Variants in ZC3H12D observed in about 807,000 individuals in gnomAD.
The protein encoded by ZC3H12D is zinc finger CCCH-type containing 12D.
A neutral mutation model predicts 24.2 loss-of-function variants in ZC3H12D; 11 were observed. That is an observed-to-expected ratio of 0.46 (90% confidence interval 0.29 to 0.75). The LOEUF is 0.75. ZC3H12D is among the 30% of genes least tolerant of loss of function. ZC3H12D has a pLI of 0.11. For synonymous variants in ZC3H12D, 333 were observed against 341.8 expected (o/e 0.97, Z 0.28); for missense variants, 740 against 767.7 (o/e 0.96, Z 0.43).
At chr6:149,455,657 T>G (rs1380639039) in intron 4 of ZC3H12D, among the ~76,000 whole-genome samples, 1 of 152,182 alleles carries the variant, frequency 6.6e-6, no homozygotes, top group Non-Finnish European at 1.5e-5. Context: ...GAGGCCTATT[T>G]CAGGGCTACA....
rs1417186367 is a variant in ZC3H12D, at chr6:149,448,388, A to G, written c.*2295T>C. On this transcript the variant is annotated 3_prime_UTR_variant, in exon 6 of 6. Coordinates refer to ENST00000409806, the MANE Select transcript of ZC3H12D (RefSeq NM_207360.3). ...AACGCTTTGGGTCTTTACAAAAAAT[A>G]GAAAAAATTAGCTGGACGTGGTGGC... is the stretch of plus-strand genomic sequence containing the variant. The G allele has an allele frequency of 1.3e-5, 2 of 152,176 alleles. No homozygotes were observed. Among genetic ancestry groups the G allele is most frequent in the Admixed American group, 6.5e-5 (1 of 15,272 alleles). The allele number at this position is 152,176 out of a possible 1,614,324, so 9.4% of individuals were successfully genotyped here.
intron 1 of ZC3H12D, among the ~76,000 whole-genome samples, chr6:149,482,356 C>T (rs1776440926): frequency 1.3e-5 from 2 of 152,264 alleles, no homozygotes; most frequent in South Asian, 4.1e-4. Context: ...TCGTTTCCTC[C>T]TTCCTATTTT....
At position 149,456,859 on chromosome 6, in the gene ZC3H12D, C is replaced by G; in HGVS notation, c.487G>C (p.Val163Leu). The part of the protein sequence containing the change: ...LAELERQAVL[V>L]YTPSRKVHGK... ...TGCACCTTGCGGGACGGCGTGTACACCAGCACCGCCTGCCGCTCCAGCTCC... is the reference window on the plus strand; with the variant it reads ...TGCACCTTGCGGGACGGCGTGTACAGCAGCACCGCCTGCCGCTCCAGCTCC... Residue 163 changes from valine to leucine, a missense_variant, in exon 4 of 6, where the codon GTG (valine) becomes CTG (leucine). Coordinates refer to ENST00000409806, the MANE Select transcript of ZC3H12D (RefSeq NM_207360.3). This position sits in a 1 kb window ranked among gnomAD's most constrained non-coding sequence, Gnocchi z 4.3. 6.2e-7 allele frequency: 1 copy of G among 1,606,652 alleles called. No homozygotes were observed. Among genetic ancestry groups the G allele is most frequent in the Non-Finnish European group, 8.5e-7 (1 of 1,179,380 alleles).
chr6:149,481,376 A>AT (rs759834200), intron 1 of ZC3H12D, among the ~76,000 whole-genome samples: 5,066 of 142,598 alleles, frequency 0.036, 308 homozygotes, highest in African/African-American at 0.12. Flanking sequence ...GTGGCTTAGC[A>AT]TTTTTTTTTT....
Position 149,452,761 on chromosome 6 carries a change from G to A in ZC3H12D, c.681-39C>T. On this transcript the variant is annotated intron_variant, in intron 4 of 5. Transcript: ENST00000409806. The surrounding 1 kb of genome is among the most constrained non-coding windows in gnomAD (Gnocchi z 4.0). ...ACAGGGGCAACTGCAAGACCACCTG[G>A]GATTTGCCACCAGCACCTGTACAAA... The A allele has an allele frequency of 6.5e-7, 1 of 1,536,670 alleles. No homozygotes were observed. Among genetic ancestry groups the A allele is most frequent in the South Asian group, 1.2e-5 (1 of 84,684 alleles).
Position 149,456,758 on chromosome 6 carries a change from G to A in ZC3H12D, c.588C>T (p.Ser196=). Reference sequence around the variant, plus strand: ...TCTGCAGGTCCCGGTAGTTGTCGTTGGAGACGATGACGCCGTCCTGCTCGT... The same window carrying A: ...TCTGCAGGTCCCGGTAGTTGTCGTTAGAGACGATGACGCCGTCCTGCTCGT... The part of the protein sequence containing the change: ...VAYEQDGVIV[S]NDNYRDLQSE... The change falls in exon 4 of 6, where the codon TCC becomes TCT. Residue 196 remains serine, a synonymous_variant. Transcript: ENST00000409806. The surrounding 1 kb of genome is among the most constrained non-coding windows in gnomAD (Gnocchi z 4.3). The A allele has an allele frequency of 6.2e-7, 1 of 1,613,842 alleles. No homozygotes were observed. The highest frequency in any genetic ancestry group is 1.1e-5 in the South Asian group (1 of 91,088).
At position 149,451,584 on chromosome 6, in the gene ZC3H12D, G is replaced by C. The variant is rs558607172; in HGVS notation, c.788-105C>G. The C allele has an allele frequency of 1.2e-5, 12 of 1,041,164 alleles. No homozygotes were observed. In the African/African-American group the frequency reaches 1.9e-4, roughly 16 times the overall value. The allele number at this position is 1,041,164 out of a possible 1,614,324, so 64.5% of individuals were successfully genotyped here. A position where few individuals can be genotyped will look rare whatever the true frequency, so the allele number is the denominator to read the frequency against. ...AGTGCCGGCCCGCGGCCTCTCCGTG[G>C]AGATTCCTCCAAGCAGGCCCCCAGG... On this transcript the variant is annotated intron_variant, in intron 5 of 5. Coordinates refer to ENST00000409806, the MANE Select transcript of ZC3H12D (RefSeq NM_207360.3).
intron 4 of ZC3H12D, among the ~76,000 whole-genome samples, chr6:149,455,830 T>C (rs1266973916): frequency 1.4e-5 from 2 of 147,474 alleles, no homozygotes; most frequent in African/African-American, 5.0e-5. Context: ...TGAGCCCAGG[T>C]GTTCAAGGCT....
rs1775920641 is a variant in ZC3H12D, at chr6:149,452,641, C to T, written c.762G>A (p.Glu254=). ...NFLSRKPKPP[E]PSWQHCPYGK... is the part of the protein sequence containing the mutation. The stretch of plus-strand genomic sequence containing the variant: ...CATAAGGACAATGCTGCCAGGATGG[C>T]TCTGGGGGCTTCGGCTTCCTGCTCA... The change falls in exon 5 of 6, where the codon GAG becomes GAA. Residue 254 remains glutamate, a synonymous_variant. Transcript: ENST00000409806. This position sits in a 1 kb window ranked among gnomAD's most constrained non-coding sequence, Gnocchi z 4.0. The T allele has an allele frequency of 4.4e-6, 7 of 1,600,730 alleles. No homozygotes were observed. Among genetic ancestry groups the T allele is most frequent in the Non-Finnish European group, 4.3e-6 (5 of 1,174,116 alleles).
chr6:149,468,575 C>T (rs529953788), intron 2 of ZC3H12D, among the ~76,000 whole-genome samples: 1 of 152,324 alleles, frequency 6.6e-6, no homozygotes, highest in South Asian at 2.1e-4. Context: ...GGAAGCTGCT[C>T]TTGCCACTCT....
chr6:149,450,778 C>A lies in ZC3H12D; in HGVS notation c.1489G>T (p.Val497Leu), dbSNP rs553923877. ...SVFPRDQVDR[V>L]MAAFPELSDL... ...GAGAGCTCCGGGAACGCGGCCATCA[C>A]GCGGTCCACCTGGTCACGCGGGAAG... Residue 497 changes from valine (V) to leucine (L), a missense_variant, in exon 6 of 6, where the codon GTG becomes TTG. Val to Leu is a conservative substitution (Grantham distance 32). Transcript: ENST00000409806. The A allele has an allele frequency of 8.4e-6, 13 of 1,549,294 alleles. 1 individual carries two copies. Among genetic ancestry groups the A allele is most frequent in the East Asian group, 7.3e-5 (3 of 40,906 alleles).
Position 149,452,491 on chromosome 6 carries a change from G to T in ZC3H12D, c.787+125C>A. The T allele has an allele frequency of 1.4e-6, 1 of 733,244 alleles. No individual in the cohort carries two copies. Among genetic ancestry groups the T allele is most frequent in the Non-Finnish European group, 2.1e-6 (1 of 480,520 alleles). The allele number at this position is 733,244 out of a possible 1,614,324, so 45.4% of individuals were successfully genotyped here. On this transcript the variant is annotated intron_variant, in intron 5 of 5. Coordinates refer to ENST00000409806, the MANE Select transcript of ZC3H12D (RefSeq NM_207360.3). The surrounding 1 kb of genome is among the most constrained non-coding windows in gnomAD (Gnocchi z 4.0). Reference sequence around the variant, plus strand: ...AGTTAACTCTCCAGGTAGCACAGCTGGAGGGCAGAACTTGGGCAAGAGCCC... The same window carrying T: ...AGTTAACTCTCCAGGTAGCACAGCTTGAGGGCAGAACTTGGGCAAGAGCCC...
At chr6:149,480,733 T>C (rs1480221503) in intron 1 of ZC3H12D, among the ~76,000 whole-genome samples, 3 of 144,094 alleles carry the variant, frequency 2.1e-5, no homozygotes, top group African/African-American at 8.5e-5. Flanking sequence ...CGAAACTCTG[T>C]CTCAAAAAAA....
intron 2 of ZC3H12D, among the ~76,000 whole-genome samples, chr6:149,471,682 T>A (rs1204419341): frequency 6.6e-6 from 1 of 152,226 alleles, no homozygotes; most frequent in Non-Finnish European, 1.5e-5. Context: ...GAAGGGGCCA[T>A]GAGCTGAGGA....
chr6:149,475,928 T>A (rs2744429), intron 1 of ZC3H12D, among the ~76,000 whole-genome samples: 27,448 of 152,024 alleles, frequency 0.18, 3,800 homozygotes, highest in East Asian at 0.72. Flanking sequence ...TCAAAAAAAA[T>A]TTTTTTAAAT....
At chr6:149,481,045 AGGAAG>A (rs1190772464) in intron 1 of ZC3H12D, among the ~76,000 whole-genome samples, 2 of 150,962 alleles carry the variant, frequency 1.3e-5, no homozygotes, top group Admixed American at 1.3e-4. Context: ...GACTCCATAA[AGGAAG>A]GGGACACTCA....
chr6:149,461,664 C>CCG, intron 3 of ZC3H12D, 167 bp downstream of exon 3: 1 of 656,306 alleles, frequency 1.5e-6, no homozygotes, highest in South Asian at 2.4e-5. Context: ...GGTGCTAGGG[C>CCG]TATGGCATTG....
In ZC3H12D at chr6:149,452,083, T is replaced by G. The variant is rs78442072; in HGVS notation, c.787+533A>C. The stretch of plus-strand genomic sequence containing the variant: ...CCTGAATGTATGTATGGTCACCTAA[T>G]TCTAACAAGAAATGATTGACTGTCA... On this transcript the variant is annotated intron_variant, in intron 5 of 5. Transcript: ENST00000409806. The surrounding 1 kb of genome is among the most constrained non-coding windows in gnomAD (Gnocchi z 4.0). The G allele has an allele frequency of 1.3e-5, 2 of 153,638 alleles. No homozygotes were observed. Among genetic ancestry groups the G allele is most frequent in the African/African-American group, 4.8e-5 (2 of 41,502 alleles). The allele number at this position is 153,638 out of a possible 1,614,324, so 9.5% of individuals were successfully genotyped here.
chr6:149,467,362 C>T (rs538088080), intron 2 of ZC3H12D, among the ~76,000 whole-genome samples: 45 of 152,264 alleles, frequency 3.0e-4, no homozygotes, highest in Admixed American at 1.2e-3. Flanking sequence ...AAGCAGTCCT[C>T]CCACCTCAGC....
Sources: allele counts gnomAD v4.1 joint callset (sites outside exome capture counted in the v4.1 genomes callset), GRCh38; gene constraint gnomAD v4.1.1; non-coding constraint Gnocchi (gnomAD v3.1); transcripts MANE v1.5; gene names NCBI Gene and HGNC (gene_info 2026-07-23, HGNC 2026-07-21).